The following LPAR1 variants were observed in gnomAD, a reference collection of about 807,000 sequenced individuals.
The protein encoded by LPAR1 is lysophosphatidic acid receptor 1.
A neutral mutation model predicts 23.8 loss-of-function variants in LPAR1; 5 were observed. That is an observed-to-expected ratio of 0.21 (90% confidence interval 0.11 to 0.44). The LOEUF (loss-of-function observed/expected upper bound fraction) is 0.44. LPAR1 is among the 20% of genes least tolerant of loss of function. The probability of loss-of-function intolerance (pLI) is 0.99; values close to 1 mark genes in which losing one functional copy is unlikely to be tolerated. For missense variants in LPAR1, 311 were observed against 482.8 expected, an observed-to-expected ratio of 0.64 and a Z score of 3.33; for synonymous variants, 160 against 164.7, an observed-to-expected ratio of 0.97 and a Z score of 0.22.
intron 5 of LPAR1, among the ~76,000 whole-genome samples, chr9:110,928,275 C>T (rs1489773237): frequency 6.6e-6 from 1 of 152,140 alleles, no homozygotes; most frequent in Non-Finnish European, 1.5e-5. Flanking sequence ...TGCTTTCGGA[C>T]AGATTTCCTG....
At chr9:110,952,579 G>A (rs778191272) in intron 4 of LPAR1, among the ~76,000 whole-genome samples, 11 of 152,126 alleles carry the variant, frequency 7.2e-5, no homozygotes, top group Admixed American at 3.3e-4. Flanking sequence ...TGCTGCCCAC[G>A]ATAGCAGGGC....
intron 2 of LPAR1, among the ~76,000 whole-genome samples, chr9:110,989,612 T>C (rs1433747147): frequency 6.6e-6 from 1 of 151,892 alleles, no homozygotes; most frequent in Non-Finnish European, 1.5e-5. Flanking sequence ...AAAAATAAAA[T>C]AAAGAATTAT....
intron 5 of LPAR1, among the ~76,000 whole-genome samples, chr9:110,911,455 T>C (rs1274953880): frequency 1.3e-5 from 2 of 152,088 alleles, no homozygotes; most frequent in African/African-American, 2.4e-5. Context: ...GGTGGGAGGA[T>C]TGCTTCAGCC....
At chr9:110,954,721 C>A (rs939085923) in intron 4 of LPAR1, among the ~76,000 whole-genome samples, 301 of 151,718 alleles carry the variant, frequency 2.0e-3, no homozygotes, top group African/African-American at 6.6e-3. Context: ...AACAAACAAA[C>A]AAAAAAAACT....
intron 4 of LPAR1, among the ~76,000 whole-genome samples, chr9:110,956,418 G>A (rs2095754321): frequency 6.6e-6 from 1 of 151,718 alleles, no homozygotes; most frequent in Non-Finnish European, 1.5e-5. Context: ...GTGTAGTAGG[G>A]AATAAAAGTT....
rs553145509 is a variant in LPAR1, at chr9:110,926,243, G to T, written c.793+15178C>A. ...CCCAGAACTGGGTTTTTGCACACAA[G>T]GACATGTGAGTCCGACTCCCAAGCT... On this transcript the variant is annotated intron_variant, in intron 5 of 5. Coordinates refer to ENST00000683809, the MANE Select transcript of LPAR1 (RefSeq NM_001351411.2). 1.1e-3 allele frequency among the ~76,000 whole-genome samples: 169 copies of T among 152,306 alleles called. 1 individual carries two copies. Among genetic ancestry groups the T allele is most frequent in the Non-Finnish European group, 1.9e-3 (130 of 68,022 alleles).
At chr9:110,905,337 CT>C (rs1225144858) in intron 5 of LPAR1, among the ~76,000 whole-genome samples, 1 of 143,268 alleles carries the variant, frequency 7.0e-6, no homozygotes, top group African/African-American at 2.9e-5. Context: ...TATGCCTTTG[CT>C]TTTTTTTATT....
At position 110,873,339 on chromosome 9, in the gene LPAR1, T is replaced by C. The variant is rs2078508223; in HGVS notation, c.*2082A>G. On this transcript the variant is annotated 3_prime_UTR_variant, in exon 6 of 6. Transcript: ENST00000683809. ...AATCCATATAGCCTCCAGAAAAATA[T>C]GCACATGTGTAAAAGTCCACGTTCA... The C allele has an allele frequency of 6.6e-6, 1 of 152,248 alleles. No homozygotes were observed. The highest frequency in any genetic ancestry group is 6.5e-5 in the Admixed American group (1 of 15,280). The allele number at this position is 152,248 out of a possible 1,614,324, so 9.4% of individuals were successfully genotyped here. A position where few individuals can be genotyped will look rare whatever the true frequency, so the allele number is the denominator to read the frequency against.
rs138907664 is a variant in LPAR1, at chr9:110,873,539, G to A, written c.*1882C>T. ...CTTCCTAGACAGCCATTCATCTCCC[G>A]GACTTCTTTCTCTCAGACATCCTCC... On this transcript the variant is annotated 3_prime_UTR_variant, in exon 6 of 6. Transcript: ENST00000683809. 5.1e-3 allele frequency: 777 copies of A among 152,374 alleles called. 2 individuals are homozygous for A. The highest frequency in any genetic ancestry group is 8.9e-3 in the Admixed American group (136 of 15,272). 9.4% of individuals were successfully genotyped at this position (152,374 alleles called of 1,614,324 possible).
Position 110,941,602 on chromosome 9 carries a change from G to A in LPAR1, c.612C>T (p.Asp204=), listed in dbSNP as rs1290034006. The A allele has an allele frequency of 1.9e-6, 3 of 1,614,002 alleles. No homozygotes were observed. Among genetic ancestry groups the A allele is most frequent in the Admixed American group, 3.3e-5 (2 of 60,002 alleles). The change falls in exon 5 of 6, where the codon GAC becomes GAT. Residue 204 remains aspartate, a synonymous_variant. Transcript: ENST00000683809. The surrounding 1 kb of genome is among the most constrained non-coding windows in gnomAD (Gnocchi z 6.1). ...AAATGGCCCAGAAGACTAAGTAAGAGTCACTGTAGAGGGGTGCCATGTTGG... is the reference window on the plus strand; with the variant it reads ...AAATGGCCCAGAAGACTAAGTAAGAATCACTGTAGAGGGGTGCCATGTTGG... ...NCSNMAPLYS[D]SYLVFWAIFN... is the part of the protein sequence containing the mutation.
chr9:110,995,263 A>C (rs903942571), intron 2 of LPAR1, among the ~76,000 whole-genome samples: 1 of 152,198 alleles, frequency 6.6e-6, no homozygotes, highest in Non-Finnish European at 1.5e-5. Flanking sequence ...GAGCCAAATA[A>C]GAAACCCAGT....
chr9:110,934,819 C>A (rs923193814), intron 5 of LPAR1, among the ~76,000 whole-genome samples: 1 of 139,648 alleles, frequency 7.2e-6, no homozygotes, highest in Non-Finnish European at 1.6e-5. Flanking sequence ...AACACACACA[C>A]AAACACACAC....
At chr9:110,898,880 A>T (rs1352077674) in intron 5 of LPAR1, among the ~76,000 whole-genome samples, 1 of 152,222 alleles carries the variant, frequency 6.6e-6, no homozygotes, top group Non-Finnish European at 1.5e-5. Context: ...ACTCCAAAAC[A>T]TCCTATGAGT....
chr9:110,910,714 T>G (rs545786331), intron 5 of LPAR1, among the ~76,000 whole-genome samples: 7 of 152,246 alleles, frequency 4.6e-5, no homozygotes, highest in African/African-American at 1.7e-4. Flanking sequence ...AATATCAACA[T>G]TAATAGGAGT....
intron 2 of LPAR1, among the ~76,000 whole-genome samples, chr9:111,010,200 T>C (rs1453992206): frequency 6.6e-6 from 1 of 152,036 alleles, no homozygotes; most frequent in Non-Finnish European, 1.5e-5. Context: ...GCACTGCCTT[T>C]AAATGTTAAA....
chr9:110,936,637 G>A (rs2094725884), intron 5 of LPAR1, among the ~76,000 whole-genome samples: 5 of 152,198 alleles, frequency 3.3e-5, no homozygotes, highest in Admixed American at 3.3e-4. Context: ...GACATAAGGA[G>A]TAATTTAGCT....
intron 2 of LPAR1, among the ~76,000 whole-genome samples, chr9:110,991,099 A>T (rs1193305651): frequency 6.6e-6 from 1 of 152,232 alleles, no homozygotes; most frequent in Non-Finnish European, 1.5e-5. Context: ...TCATAAACCT[A>T]AATATAAAAC....
At chr9:110,933,917 CA>C (rs1252470043) in intron 5 of LPAR1, among the ~76,000 whole-genome samples, 1 of 152,120 alleles carries the variant, frequency 6.6e-6, no homozygotes, top group African/African-American at 2.4e-5. Context: ...TGGAGATGGG[CA>C]ACAAAAGGGT....
chr9:110,964,995 T>C (rs568201113), intron 4 of LPAR1, among the ~76,000 whole-genome samples: 28 of 151,800 alleles, frequency 1.8e-4, no homozygotes, highest in Non-Finnish European at 4.0e-4. Flanking sequence ...CTCAGCCTCC[T>C]GAGTAGCTGA....
Sources: gnomAD v4.1 joint callset for allele counts (sites outside exome capture counted in the v4.1 genomes callset) on GRCh38, gnomAD v4.1.1 for gene constraint, Gnocchi (gnomAD v3.1) non-coding constraint, MANE v1.5 for transcripts, NCBI Gene and HGNC (gene_info 2026-07-23, HGNC 2026-07-21) for gene names.